USP34: variants seen among roughly 807,000 people sequenced by gnomAD.
The protein encoded by USP34 is ubiquitin carboxyl-terminal hydrolase 34.
In USP34, 70 loss-of-function variants were observed where a neutral mutation model predicts 460.3. The observed-to-expected ratio is 0.15, with a 90% confidence interval of 0.13 to 0.19. The LOEUF (loss-of-function observed/expected upper bound fraction) is 0.19, where lower values mean the gene tolerates loss of function less well. USP34 is among the 10% of genes least tolerant of loss of function. The pLI, the probability that USP34 is intolerant of heterozygous loss-of-function variation, is 1.00. For missense variants in USP34, 3,985 were observed against 4,236.2 expected (o/e 0.94, Z 1.65); for synonymous variants, 1,647 against 1,405.3 (o/e 1.17, Z -3.85).
At chr2:61,257,868 T>A (rs1203824350) in intron 44 of USP34, among the ~76,000 whole-genome samples, 1 of 152,020 alleles carries the variant, frequency 6.6e-6, no homozygotes, top group Non-Finnish European at 1.5e-5. Flanking sequence ...CAAGACTCCA[T>A]CTCCAAAAAA....
At chr2:61,218,488 C>T (rs1406001650) in intron 67 of USP34, among the ~76,000 whole-genome samples, 2 of 152,034 alleles carry the variant, frequency 1.3e-5, no homozygotes, top group Admixed American at 6.6e-5. Flanking sequence ...TATGATGGTA[C>T]ATTTGTTGTG....
chr2:61,453,422 A>G (rs1695342553), intron 1 of USP34, among the ~76,000 whole-genome samples: 1 of 150,720 alleles, frequency 6.6e-6, no homozygotes, highest in Non-Finnish European at 1.5e-5. Context: ...TCAAAAAAAG[A>G]AAACAAGCCA....
intron 43 of USP34, among the ~76,000 whole-genome samples, chr2:61,264,484 TAAAA>T (rs1558498618): frequency 6.7e-6 from 1 of 148,976 alleles, no homozygotes; most frequent in Non-Finnish European, 1.5e-5. Context: ...AAAGTAAAAG[TAAAA>T]AACTCCGCCA....
intron 41 of USP34, among the ~76,000 whole-genome samples, chr2:61,274,443 GAAA>G (rs199607185): frequency 2.1e-4 from 27 of 126,756 alleles, no homozygotes; most frequent in African/African-American, 7.1e-4. Context: ...AGTCAAGACA[GAAA>G]AAAAAAAAAA....
intron 10 of USP34, among the ~76,000 whole-genome samples, chr2:61,369,281 C>T (rs1692535153): frequency 6.6e-6 from 1 of 152,168 alleles, no homozygotes; most frequent in Non-Finnish European, 1.5e-5. Context: ...ATCATAGCTA[C>T]ACAAAAGTTT....
At position 61,283,263 on chromosome 2, in the gene USP34, T is replaced by C; in HGVS notation, c.4880A>G (p.His1627Arg). Residue 1627 changes from histidine to arginine, a missense_variant, in exon 37 of 80, where the codon CAT becomes CGT. Coordinates refer to ENST00000398571, the MANE Select transcript of USP34 (RefSeq NM_014709.4). ...ACTCACCAAGAGCCACATTGAATAA[T>C]GTGAAACTAAAGAAAAATTAGAAAA... ...SDHRSRHEVS[H>R]YSMWLLVSWA... 2 of 1,611,526 alleles carry C rather than the reference T, an allele frequency of 1.2e-6. No homozygotes were observed. Among genetic ancestry groups the C allele is most frequent in the Non-Finnish European group, 1.7e-6 (2 of 1,179,066 alleles).
At chr2:61,330,973 T>C (rs1222876744) in intron 20 of USP34, among the ~76,000 whole-genome samples, 3 of 152,144 alleles carry the variant, frequency 2.0e-5, no homozygotes, top group Non-Finnish European at 4.4e-5. Flanking sequence ...AGCATATCTA[T>C]GGTTTCTGAA....
At chr2:61,359,779 G>GTT (rs35258583) in intron 10 of USP34, among the ~76,000 whole-genome samples, 961 of 86,768 alleles carry the variant, frequency 0.011, 8 homozygotes, top group Non-Finnish European at 0.013. Flanking sequence ...GCCCACAGTT[G>GTT]TTTTTTTTTT....
chr2:61,269,109 G>T (rs1689139377), intron 41 of USP34, among the ~76,000 whole-genome samples: 1 of 152,054 alleles, frequency 6.6e-6, no homozygotes, highest in Non-Finnish European at 1.5e-5. Flanking sequence ...ATTCTGTGGG[G>T]GAATCAAGTG....
At chr2:61,406,968 C>G (rs999489268) in intron 2 of USP34, among the ~76,000 whole-genome samples, 20 of 152,152 alleles carry the variant, frequency 1.3e-4, no homozygotes, top group Non-Finnish European at 1.6e-4. Context: ...CAAGATTACA[C>G]CACTGCACTC....
intron 25 of USP34, among the ~76,000 whole-genome samples, chr2:61,312,365 A>T (rs1010719070): frequency 6.6e-6 from 1 of 152,128 alleles, no homozygotes; most frequent in Non-Finnish European, 1.5e-5. Context: ...AGAATTTGAG[A>T]GTCAATTCAT....
intron 43 of USP34, among the ~76,000 whole-genome samples, chr2:61,263,451 G>T (rs954440509): frequency 2.0e-5 from 3 of 151,458 alleles, no homozygotes; most frequent in African/African-American, 7.3e-5. Context: ...AAAGTGCTGG[G>T]ATTACAGGCG....
chr2:61,189,371 C>G (rs946126319), intron 78 of USP34: 4 of 199,340 alleles, frequency 2.0e-5, no homozygotes, highest in African/African-American at 4.7e-5. Flanking sequence ...CACCCGGGTT[C>G]AAGCGATTCC....
chr2:61,393,290 G>T (rs1693409400), intron 5 of USP34, among the ~76,000 whole-genome samples: 1 of 151,984 alleles, frequency 6.6e-6, no homozygotes, highest in Non-Finnish European at 1.5e-5. Context: ...AATTAACCAG[G>T]CATGGTGGCA....
chr2:61,269,325 T>C (rs1305894414), intron 41 of USP34, among the ~76,000 whole-genome samples: 3 of 27,748 alleles, frequency 1.1e-4, no homozygotes, highest in Non-Finnish European at 2.6e-4. Flanking sequence ...CTTGGCTAAT[T>C]TTTTTTTTTT....
In USP34 at chr2:61,348,217, C is replaced by A. The variant is rs1691831593; in HGVS notation, c.1938G>T (p.Lys646Asn). The change falls in exon 15 of 80, where the codon AAG becomes AAT. Residue 646 changes from lysine to asparagine, a missense_variant. Around this residue, in one of 14 missense-constraint regions of USP34, gnomAD observed 716 missense variants for 626.2 expected, o/e 1.14. Transcript: ENST00000398571. ...SSCGTDLRNR[K>N]LESQAGICLG... ...GGCAAATGCCTGCTTGACTCTCTAA[C>A]TTTCTATTCCGAAGATCTGTACCAC... 6.2e-7 allele frequency: 1 copy of A among 1,614,106 alleles called. No individual in the cohort carries two copies. The highest frequency in any genetic ancestry group is 8.5e-7 in the Non-Finnish European group (1 of 1,180,038).
intron 2 of USP34, among the ~76,000 whole-genome samples, chr2:61,413,230 C>A (rs553937070): frequency 2.0e-5 from 3 of 151,882 alleles, no homozygotes; most frequent in African/African-American, 4.8e-5. Context: ...CCTGACTCTA[C>A]TAAAAATACA....
At chr2:61,357,616 G>A (rs946289502) in intron 10 of USP34, among the ~76,000 whole-genome samples, 7 of 152,184 alleles carry the variant, frequency 4.6e-5, no homozygotes, top group Non-Finnish European at 8.8e-5. Flanking sequence ...AGTACAGAAA[G>A]CTGGTCAGAT....
intron 1 of USP34, among the ~76,000 whole-genome samples, chr2:61,449,772 G>C (rs540680853): frequency 1.2e-4 from 18 of 152,160 alleles, no homozygotes; most frequent in South Asian, 6.2e-4. Flanking sequence ...TCATGCAAAA[G>C]AATGAAGTTG....
Sources: gnomAD v4.1 joint callset for allele counts (sites outside exome capture counted in the v4.1 genomes callset) on GRCh38, gnomAD v4.1.1 for gene constraint, gnomAD v4.1.1 regional missense constraint, MANE v1.5 for transcripts, NCBI Gene and HGNC (gene_info 2026-07-23, HGNC 2026-07-21) for gene names.